Variants in EDRF1 observed in about 807,000 individuals in gnomAD.
EDRF1 encodes erythroid differentiation regulatory factor 1, also known as erythroid differentiation-related factor 1.
EDRF1 carries 69 observed loss-of-function variants against 148.7 expected under a neutral mutation model. The ratio of observed to expected loss-of-function variants is 0.46; its 90% CI spans 0.38 to 0.57. The LOEUF is 0.57. Ranked by LOEUF, EDRF1 falls within the 20% of genes least tolerant of loss-of-function variation. The pLI is 0.00. For synonymous variants in EDRF1, 515 were observed against 532.8 expected (o/e 0.97, Z 0.46); for missense variants, 1,118 against 1,478.7 (o/e 0.76, Z 4.00).
At chr10:125,746,685 G>C (rs1266949756) in intron 19 of EDRF1, 1 of 152,374 alleles carries the variant, frequency 6.6e-6, no homozygotes, top group Non-Finnish European at 1.5e-5. Context: ...GGATTCAAGT[G>C]ATTCTCATGC....
At chr10:125,752,936 CTT>C (rs1849712569) in intron 23 of EDRF1, 22 bp downstream of exon 23, 1 of 1,566,640 alleles carries the variant, frequency 6.4e-7, no homozygotes, top group South Asian at 1.1e-5. Context: ...AAATGACTGT[CTT>C]TGGTTTTTGT....
At chr10:125,741,483 A>G (rs1429111992) in intron 17 of EDRF1, 2 of 417,758 alleles carry the variant, frequency 4.8e-6, no homozygotes, top group Admixed American at 6.0e-5. Context: ...ATGCCCGGCT[A>G]GCCCACCTTG....
At chr10:125,761,928 AAAG>A (rs113131276) in intron 24 of EDRF1, among the ~76,000 whole-genome samples, 2,014 of 152,296 alleles carry the variant, frequency 0.013, 45 homozygotes, top group African/African-American at 0.046. Flanking sequence ...TAAGATTATC[AAAG>A]GTTTTGTGAC....
intron 24 of EDRF1, among the ~76,000 whole-genome samples, chr10:125,756,008 C>T (rs1306074024): frequency 6.6e-6 from 1 of 151,832 alleles, no homozygotes; most frequent in Non-Finnish European, 1.5e-5. Flanking sequence ...TTAATTTGCT[C>T]TTTTTGTAGT....
chr10:125,725,436 A>G lies in EDRF1; in HGVS notation c.629A>G (p.Tyr210Cys), dbSNP rs775751755. 1.2e-6 allele frequency: 2 copies of G among 1,614,014 alleles called. No individual in the cohort carries two copies. The highest frequency in any genetic ancestry group is 1.7e-6 in the Non-Finnish European group (2 of 1,179,934). Residue 210 changes from tyrosine to cysteine, a missense_variant, in exon 5 of 25, where the codon TAT (tyrosine) becomes TGT (cysteine). Transcript: ENST00000356792. ...AAGGCAATTCTTTCCAAGTTTTTATATTACAGGTACTTGGCTACTTATTTA... is the reference window on the plus strand; with the variant it reads ...AAGGCAATTCTTTCCAAGTTTTTATGTTACAGGTACTTGGCTACTTATTTA... ...YQKAILSKFLYYSINGDGAAQ... is the reference protein window; with the variant it reads ...YQKAILSKFLCYSINGDGAAQ...
In EDRF1 at chr10:125,720,010, G is replaced by A. The variant is rs1381056162; in HGVS notation, c.108+95G>A. 3 of 1,162,408 alleles carry A rather than the reference G, an allele frequency of 2.6e-6. No individual in the cohort carries two copies. The African/African-American group carries it at 4.6e-5, about 18-fold the overall frequency. The allele number at this position is 1,162,408 out of a possible 1,614,324, so 72.0% of individuals were successfully genotyped here. A position where few individuals can be genotyped will look rare whatever the true frequency, so the allele number is the denominator to read the frequency against. ...GCCACGGTTCCCGGCAGATTCTGGA[G>A]GCTTCTCCATGTTTCCCTGACACCC... is the stretch of plus-strand genomic sequence containing the variant. On this transcript the variant is annotated intron_variant, in intron 1 of 24. Transcript: ENST00000356792.
intron 3 of EDRF1, 149 bp from the exon 4 acceptor site, chr10:125,723,662 G>A: frequency 1.3e-6 from 1 of 771,140 alleles, no homozygotes; most frequent in Non-Finnish European, 2.1e-6. Flanking sequence ...CTGTGTGTTT[G>A]CATGTAGCTT....
chr10:125,737,605 G>T (rs1461853655), intron 13 of EDRF1, among the ~76,000 whole-genome samples: 8 of 152,190 alleles, frequency 5.3e-5, no homozygotes, highest in Admixed American at 5.2e-4. Context: ...GAATATTGGT[G>T]ATACTTGTTA....
At chr10:125,753,600 A>T in intron 23 of EDRF1, 94 bp from the exon 24 acceptor site, 1 of 1,355,754 alleles carries the variant, frequency 7.4e-7, no homozygotes, top group Non-Finnish European at 1.1e-6. Flanking sequence ...TTAAAAATGT[A>T]TTGGATGAAT....
At chr10:125,751,404 G>GTTTT (rs60964364) in intron 22 of EDRF1, among the ~76,000 whole-genome samples, 30 of 140,622 alleles carry the variant, frequency 2.1e-4, no homozygotes, top group African/African-American at 3.0e-4. Context: ...TTTACCCAGT[G>GTTTT]TTTTTTTTTT....
intron 13 of EDRF1, among the ~76,000 whole-genome samples, chr10:125,736,954 C>T (rs1020338920): frequency 6.6e-5 from 10 of 151,958 alleles, no homozygotes; most frequent in Admixed American, 2.0e-4. Flanking sequence ...TTCACTAGAA[C>T]GTAAGCTCCC....
In EDRF1 at chr10:125,733,711, A is replaced by G. The variant is rs757966939; in HGVS notation, c.1353A>G (p.Pro451=). 2.5e-6 allele frequency: 4 copies of G among 1,613,490 alleles called. No individual in the cohort carries two copies. The East Asian group carries it at 6.7e-5, about 27-fold the overall frequency. Residue 451 remains proline, a synonymous_variant, in exon 11 of 25, where the codon CCA becomes CCG. Transcript: ENST00000356792. ...CEETEDKYQN[P]FTMPVAILLY... ...AAACTGAAGACAAATACCAAAATCCATTCACAATGCCGGTAGCCATTCTCT... is the reference window on the plus strand; with the variant it reads ...AAACTGAAGACAAATACCAAAATCCGTTCACAATGCCGGTAGCCATTCTCT...
chr10:125,750,077 G>C (rs988427379), intron 22 of EDRF1, among the ~76,000 whole-genome samples: 1 of 152,152 alleles, frequency 6.6e-6, no homozygotes, highest in Non-Finnish European at 1.5e-5. Context: ...GGAGGCGAAG[G>C]TTGCAGTGAG....
rs191601414 is a variant in EDRF1, at chr10:125,755,860, A to G, written c.3545+2015A>G. On this transcript the variant is annotated intron_variant, in intron 24 of 24. Transcript: ENST00000356792. The stretch of plus-strand genomic sequence containing the variant: ...GTTTTTCTTGGTCATTCTAGCTAGA[A>G]GTTTTCGATTTTTTTTTTCCAATCT... 2.2e-4 allele frequency among the ~76,000 whole-genome samples: 33 copies of G among 152,050 alleles called. No individual in the cohort carries two copies. In the East Asian group the frequency reaches 6.4e-3, roughly 29 times the overall value.
intron 15 of EDRF1, among the ~76,000 whole-genome samples, chr10:125,738,731 GCCA>G (rs932319415): frequency 6.6e-6 from 1 of 152,186 alleles, no homozygotes; most frequent in Admixed American, 6.5e-5. Flanking sequence ...TCGTGTAGGA[GCCA>G]CAGACTTAGC....
At chr10:125,738,483 A>G in intron 15 of EDRF1, 38 bp downstream of exon 15, 2 of 1,612,520 alleles carry the variant, frequency 1.2e-6, no homozygotes, top group South Asian at 1.1e-5. Context: ...CCTTCAATAG[A>G]ATAATACACT....
At chr10:125,730,906 G>A (rs977279764) in intron 9 of EDRF1, among the ~76,000 whole-genome samples, 4 of 152,184 alleles carry the variant, frequency 2.6e-5, no homozygotes, top group African/African-American at 9.7e-5. Flanking sequence ...CTACTCAGGA[G>A]ACTGAGGCAG....
chr10:125,754,378 A>G (rs1009763071), intron 24 of EDRF1, among the ~76,000 whole-genome samples: 11 of 152,214 alleles, frequency 7.2e-5, no homozygotes, highest in Admixed American at 7.2e-4. Flanking sequence ...AAAGAAAGAA[A>G]TCTTGCTGCC....
At chr10:125,725,583 G>A (rs1429377372) in intron 5 of EDRF1, 99 bp from the exon 6 acceptor site, 7 of 1,569,346 alleles carry the variant, frequency 4.5e-6, no homozygotes, top group African/African-American at 2.7e-5. Context: ...TTTACAAGAT[G>A]TATGCTTAAT....
Sources: gnomAD v4.1 joint callset for allele counts (sites outside exome capture counted in the v4.1 genomes callset) on GRCh38, gnomAD v4.1.1 for gene constraint, MANE v1.5 for transcripts, NCBI Gene and HGNC (gene_info 2026-07-23, HGNC 2026-07-21) for gene names.